The following TDRD9 variants were observed in gnomAD, a reference collection of about 807,000 sequenced individuals.
TDRD9 encodes ATP-dependent RNA helicase TDRD9.
Under a neutral mutation model 172.6 loss-of-function variants are expected in TDRD9, and 124 were observed. The observed-to-expected ratio is 0.72, with a 90% CI of 0.62 to 0.83. The LOEUF is 0.83. TDRD9 is among the 40% of genes least tolerant of loss of function. The pLI is 0.00. For missense variants in TDRD9, 1,479 were observed against 1,714.1 expected, an observed-to-expected ratio of 0.86 and a Z score of 2.42; for synonymous variants, 619 against 617.1, an observed-to-expected ratio of 1.00 and a Z score of -0.05.
chr14:104,007,310 G>A (rs981854074), intron 19 of TDRD9, 106 bp downstream of exon 19: 1 of 1,098,512 alleles, frequency 9.1e-7, no homozygotes, highest in Non-Finnish European at 1.3e-6. Context: ...GCCACCTGCG[G>A]CTGGAGTCGA....
intron 7 of TDRD9, among the ~76,000 whole-genome samples, chr14:103,978,549 C>T (rs916351871): frequency 2.0e-5 from 3 of 152,132 alleles, no homozygotes; most frequent in Non-Finnish European, 2.9e-5. Flanking sequence ...TAGGTTTGGT[C>T]GCGATGTTTC....
At chr14:103,942,365 C>G (rs1156501111) in intron 1 of TDRD9, 2 of 152,156 alleles carry the variant, frequency 1.3e-5, no homozygotes, top group African/African-American at 2.4e-5. Context: ...TTAATCTTCA[C>G]AAGTTATATA....
chr14:103,934,222 A>G (rs28461376), intron 1 of TDRD9, among the ~76,000 whole-genome samples: 51,441 of 151,982 alleles, frequency 0.34, 8,896 homozygotes, highest in Middle Eastern at 0.37. Context: ...TATGTTGCCT[A>G]TGCTGGTGTC....
At chr14:104,040,824 G>A (rs987169683) in intron 33 of TDRD9, among the ~76,000 whole-genome samples, 13 of 152,238 alleles carry the variant, frequency 8.5e-5, no homozygotes, top group Non-Finnish European at 1.3e-4. Flanking sequence ...CTAGCTCTGG[G>A]GTGAGGTGGC....
chr14:103,930,515 T>C (rs1430095388), intron 1 of TDRD9, among the ~76,000 whole-genome samples: 3 of 152,210 alleles, frequency 2.0e-5, no homozygotes, highest in African/African-American at 4.8e-5. Context: ...TTGTTAGTCT[T>C]GTCTGATTTG....
At chr14:103,966,560 A>T in intron 4 of TDRD9, 149 bp from the exon 5 acceptor site, 2 of 775,186 alleles carry the variant, frequency 2.6e-6, no homozygotes, top group Non-Finnish European at 3.8e-6. Context: ...AAAATAATTG[A>T]CTTGAGAATG....
intron 1 of TDRD9, among the ~76,000 whole-genome samples, chr14:103,937,102 T>C (rs2030818317): frequency 1.3e-5 from 2 of 152,186 alleles, no homozygotes; most frequent in Non-Finnish European, 2.9e-5. Context: ...AAAACAATTG[T>C]TGAATGAACA....
chr14:104,015,120 A>G (rs1198587904), intron 21 of TDRD9, among the ~76,000 whole-genome samples: 3 of 152,110 alleles, frequency 2.0e-5, no homozygotes, highest in Admixed American at 1.3e-4. Flanking sequence ...GAGTGTTTCT[A>G]TAGAGTACCT....
At chr14:103,929,575 A>C (rs1417297215) in intron 1 of TDRD9, among the ~76,000 whole-genome samples, 1 of 148,738 alleles carries the variant, frequency 6.7e-6, no homozygotes, top group African/African-American at 2.5e-5. Context: ...GCTGGAGTGG[A>C]GTGGCGCCAT....
rs1231176578 is a variant in TDRD9 at position 104,014,771 on chromosome 14, A to C, written c.2153A>C (p.Asn718Thr). Residue 718 changes from asparagine (N) to threonine (T), a missense_variant, in exon 21 of 36, where the codon AAC becomes ACC. Around this residue, in one of 3 missense-constraint regions of TDRD9, gnomAD observed 1,413 missense variants for 1,649.1 expected, o/e 0.86. Transcript: ENST00000409874. The part of the protein sequence containing the change: ...EELKTRISQF[N>T]MHVDSRRPVM... ...TTGAAGACTAGAATCTCACAGTTCA[A>C]CATGCATGTTGATTCTCGGCGACCT... 6.2e-7 allele frequency: 1 copy of C among 1,612,506 alleles called. No individual in the cohort carries two copies. Among genetic ancestry groups the C allele is most frequent in the Non-Finnish European group, 8.5e-7 (1 of 1,179,306 alleles).
intron 4 of TDRD9, 86 bp from the exon 5 acceptor site, chr14:103,966,622 TC>T: frequency 8.0e-7 from 1 of 1,243,782 alleles, no homozygotes; most frequent in East Asian, 2.6e-5. Flanking sequence ...AATTTTTCAT[TC>T]CCTTTCTTAC....
intron 25 of TDRD9, 102 bp downstream of exon 25, chr14:104,024,782 A>G: frequency 4.8e-6 from 2 of 420,030 alleles, no homozygotes; most frequent in Middle Eastern, 4.5e-4. Flanking sequence ...ACACACACAC[A>G]CACACACAGA....
At chr14:103,952,222 T>TA (rs2031957762) in intron 1 of TDRD9, among the ~76,000 whole-genome samples, 6 of 14,384 alleles carry the variant, frequency 4.2e-4, no homozygotes, top group Non-Finnish European at 6.3e-4. Flanking sequence ...ATATATATAT[T>TA]TTTTTTTTTT....
At chr14:103,993,556 C>T (rs1439772715) in intron 9 of TDRD9, among the ~76,000 whole-genome samples, 1 of 152,198 alleles carries the variant, frequency 6.6e-6, no homozygotes, top group African/African-American at 2.4e-5. Flanking sequence ...GAGTTGTCAG[C>T]AGGGCCATGC....
At chr14:103,991,115 G>C (rs751734429) in intron 8 of TDRD9, 45 bp from the exon 9 acceptor site, 1 of 1,610,044 alleles carries the variant, frequency 6.2e-7, no homozygotes. Flanking sequence ...AGCAATAGCT[G>C]TTATTAGCCT....
Position 104,024,558 on chromosome 14 carries a change from GT to G in TDRD9, c.2607-10del. 1 of 1,515,546 alleles carries G rather than the reference GT, an allele frequency of 6.6e-7. No individual in the cohort carries two copies. Among genetic ancestry groups the G allele is most frequent in the Non-Finnish European group, 9.0e-7 (1 of 1,110,788 alleles). 93.9% of individuals were successfully genotyped at this position (1,515,546 alleles called of 1,614,324 possible). On this transcript the variant is annotated splice_polypyrimidine_tract_variant and intron_variant, in intron 24 of 35. Transcript: ENST00000409874. ...TTGATTTTTATTTTAATAAAAATTCGTATTATGTAGGGTGAATGTGGACTTC... is the reference window on the plus strand; with the variant it reads ...TTGATTTTTATTTTAATAAAAATTCGATTATGTAGGGTGAATGTGGACTTC...
At chr14:103,964,789 C>T (rs2032662521) in intron 3 of TDRD9, among the ~76,000 whole-genome samples, 1 of 152,174 alleles carries the variant, frequency 6.6e-6, no homozygotes, top group African/African-American at 2.4e-5. Context: ...TCCCAGAGTG[C>T]TGGGATTGCA....
chr14:103,998,035 C>A lies in TDRD9; in HGVS notation c.1379-589C>A, dbSNP rs1355938800. 3.3e-5 allele frequency among the ~76,000 whole-genome samples: 5 copies of A among 151,990 alleles called. No individual in the cohort carries two copies. The East Asian group carries it at 7.7e-4, about 23-fold the overall frequency. On this transcript the variant is annotated intron_variant, in intron 12 of 35. Coordinates refer to ENST00000409874, the MANE Select transcript of TDRD9 (RefSeq NM_153046.3). Reference sequence around the variant, plus strand: ...AGTGAGTGTTGCTGATGGGAGATCCCCAGTGCTTTGCCTGTGTGAGGGGGA... The same window carrying A: ...AGTGAGTGTTGCTGATGGGAGATCCACAGTGCTTTGCCTGTGTGAGGGGGA...
At chr14:104,007,040 T>A in intron 18 of TDRD9, 120 bp from the exon 19 acceptor site, 1 of 1,133,788 alleles carries the variant, frequency 8.8e-7, no homozygotes, top group Non-Finnish European at 1.3e-6. Flanking sequence ...ATGAAATTGA[T>A]TGAAAAAATT....
Sources: allele counts gnomAD v4.1 joint callset (sites outside exome capture counted in the v4.1 genomes callset), GRCh38; gene constraint gnomAD v4.1.1; regional missense constraint gnomAD v4.1.1; transcripts MANE v1.5; gene names NCBI Gene and HGNC (gene_info 2026-07-23, HGNC 2026-07-21).